The following AAMP variants were observed in gnomAD, a reference collection of about 807,000 sequenced individuals.
The protein encoded by AAMP is angio-associated migratory cell protein.
AAMP carries 12 observed loss-of-function variants against 51.1 expected under a neutral mutation model. The observed-to-expected ratio is 0.23, with a 90% CI of 0.15 to 0.38. The LOEUF (loss-of-function observed/expected upper bound fraction) is 0.38, where lower values mean the gene tolerates loss of function less well. AAMP is among the 10% of genes least tolerant of loss of function. The pLI, the probability that AAMP is intolerant of heterozygous loss-of-function variation, is 1.00. For synonymous variants in AAMP, 210 were observed against 218.7 expected (o/e 0.96, Z 0.35); for missense variants, 418 against 557.2 (o/e 0.75, Z 2.52).
In AAMP at chr2:218,266,831, G is replaced by A. The variant is rs369316202; in HGVS notation, c.534+16C>T. 12 of 1,613,522 alleles carry A rather than the reference G, an allele frequency of 7.4e-6. No homozygotes were observed. The highest frequency in any genetic ancestry group is 5.5e-5 in the South Asian group (5 of 91,048). Reference sequence around the variant, plus strand: ...CCAAGGCCCCACAGAGCTGACTCCCGCTCTGATGATCTTACCTCCAGGTCT... The same window carrying A: ...CCAAGGCCCCACAGAGCTGACTCCCACTCTGATGATCTTACCTCCAGGTCT... On this transcript the variant is annotated intron_variant, in intron 4 of 10. Transcript: ENST00000248450. The surrounding 1 kb of genome is among the most constrained non-coding windows in gnomAD (Gnocchi z 4.7).
At chr2:218,269,672 G>A in intron 1 of AAMP, 138 bp from the exon 2 acceptor site, 1 of 1,450,056 alleles carries the variant, frequency 6.9e-7, no homozygotes, top group South Asian at 1.2e-5. Flanking sequence ...GGTCCGCGGG[G>A]GCGCGCGGGA....
Position 218,265,633 on chromosome 2 carries a change from C to T in AAMP, c.929G>A (p.Gly310Glu). 1 of 1,613,902 alleles carries T rather than the reference C, an allele frequency of 6.2e-7. No individual in the cohort carries two copies. The highest frequency in any genetic ancestry group is 1.7e-5 in the Admixed American group (1 of 60,020). The change falls in exon 8 of 11, where the codon GGA becomes GAA. Residue 310 changes from glycine (G) to glutamate (E), a missense_variant. By Grantham distance (98) the Gly-to-Glu change is moderately conservative (BLOSUM62 -2). Transcript: ENST00000248450. The surrounding 1 kb of genome is among the most constrained non-coding windows in gnomAD (Gnocchi z 6.6). ...PETVASQPSL[G>E]EGEESESNSV... ...GTTGGACTCACTCTCCTCCCCTTCT[C>T]CCAGGCTGGGCTGGGAGGCCACAGT...
chr2:218,264,935 C>T, intron 10 of AAMP, 85 bp downstream of exon 10: 1 of 1,586,058 alleles, frequency 6.3e-7, no homozygotes, highest in Non-Finnish European at 8.6e-7. Context: ...AATCCCTTCC[C>T]ACACCCCAAG....
At chr2:218,269,927 C>A (rs752076222) in intron 1 of AAMP, 39 bp downstream of exon 1, 2 of 1,613,016 alleles carry the variant, frequency 1.2e-6, no homozygotes, top group African/African-American at 2.7e-5. Context: ...CAGGGGTGAG[C>A]GTCTCCTGTC....
chr2:218,270,133 G>C lies in AAMP; in HGVS notation c.-47C>G, dbSNP rs576800085. 2.8e-5 allele frequency: 45 copies of C among 1,604,288 alleles called. 1 individual carries two copies. In the South Asian group the frequency reaches 4.3e-4, roughly 15 times the overall value. Reference sequence around the variant, plus strand: ...CTTCTCTGGGCCCAAACGCCTCCCAGAGTCAGCTCTGCGCGACGACGCGGA... The same window carrying C: ...CTTCTCTGGGCCCAAACGCCTCCCACAGTCAGCTCTGCGCGACGACGCGGA... On this transcript the variant is annotated 5_prime_UTR_variant, in exon 1 of 11. Coordinates refer to ENST00000248450, the MANE Select transcript of AAMP (RefSeq NM_001087.5).
chr2:218,269,258 C>T (rs1690719777), intron 2 of AAMP, 124 bp downstream of exon 2: 1 of 1,293,250 alleles, frequency 7.7e-7, no homozygotes, highest in South Asian at 1.3e-5. Flanking sequence ...CCTGTGGGCT[C>T]CTCCAGCGCA....
chr2:218,264,401 T>G lies in AAMP; in HGVS notation c.*132A>C. ...AGAAAAGGAGAGGGGAGCAAGTCAGTTGAAGAGGCTGGAAAGTCATCCAGG... is the reference window on the plus strand; with the variant it reads ...AGAAAAGGAGAGGGGAGCAAGTCAGGTGAAGAGGCTGGAAAGTCATCCAGG... On this transcript the variant is annotated 3_prime_UTR_variant, in exon 11 of 11. Coordinates refer to ENST00000248450, the MANE Select transcript of AAMP (RefSeq NM_001087.5). 1.2e-6 allele frequency: 1 copy of G among 857,460 alleles called. No individual in the cohort carries two copies. Among genetic ancestry groups the G allele is most frequent in the South Asian group, 1.5e-5 (1 of 68,370 alleles). The allele number at this position is 857,460 out of a possible 1,614,324, so 53.1% of individuals were successfully genotyped here.
rs1209813559 is a variant in AAMP, at chr2:218,264,306, C to T, written c.*227G>A. On this transcript the variant is annotated 3_prime_UTR_variant, in exon 11 of 11. Coordinates refer to ENST00000248450, the MANE Select transcript of AAMP (RefSeq NM_001087.5). Reference sequence around the variant, plus strand: ...TGAAAGTGAAAGAGAAACAGGTCCACCCCTCCCTCTGAAGGGCCCACCAGG... The same window carrying T: ...TGAAAGTGAAAGAGAAACAGGTCCATCCCTCCCTCTGAAGGGCCCACCAGG... The T allele has an allele frequency of 1.8e-6, 1 of 562,902 alleles. No individual in the cohort carries two copies. Among genetic ancestry groups the T allele is most frequent in the African/African-American group, 1.9e-5 (1 of 53,322 alleles). 34.9% of individuals were successfully genotyped at this position (562,902 alleles called of 1,614,324 possible).
rs1240806340 is a variant in AAMP, at chr2:218,270,120, CA to C, written c.-35del. The C allele has an allele frequency of 6.2e-7, 1 of 1,610,506 alleles. No homozygotes were observed. The highest frequency in any genetic ancestry group is 8.5e-7 in the Non-Finnish European group (1 of 1,178,224). ...AGCGGCGGATCCACTTCTCTGGGCC[CA>C]AACGCCTCCCAGAGTCAGCTCTGCG... On this transcript the variant is annotated 5_prime_UTR_variant, in exon 1 of 11. Coordinates refer to ENST00000248450, the MANE Select transcript of AAMP (RefSeq NM_001087.5).
chr2:218,264,684 T>A, intron 10 of AAMP, 76 bp from the exon 11 acceptor site: 2 of 1,279,422 alleles, frequency 1.6e-6, no homozygotes, highest in Non-Finnish European at 2.3e-6. Flanking sequence ...GGTGGGCTCC[T>A]CCAGCACACC....
Position 218,265,508 on chromosome 2 carries a change from C to T in AAMP, c.984-47G>A. 1.3e-6 allele frequency: 2 copies of T among 1,576,778 alleles called. No homozygotes were observed. The highest frequency in any genetic ancestry group is 1.7e-6 in the Non-Finnish European group (2 of 1,149,580). Reference sequence around the variant, plus strand: ...GAAGACTCATGAGGGCCTGGACTCACACGCCCTGCCGTCCTCCCGGGCCCC... The same window carrying T: ...GAAGACTCATGAGGGCCTGGACTCATACGCCCTGCCGTCCTCCCGGGCCCC... On this transcript the variant is annotated intron_variant, in intron 8 of 10. Transcript: ENST00000248450. This position sits in a 1 kb window ranked among gnomAD's most constrained non-coding sequence, Gnocchi z 6.6.
chr2:218,265,465 G>C lies in AAMP; in HGVS notation c.984-4C>G, dbSNP rs1690602030. 6.4e-7 allele frequency: 1 copy of C among 1,572,938 alleles called. No individual in the cohort carries two copies. Among genetic ancestry groups the C allele is most frequent in the African/African-American group, 1.4e-5 (1 of 74,044 alleles). On this transcript the variant is annotated splice_polypyrimidine_tract_variant and splice_region_variant and intron_variant, in intron 8 of 10. Transcript: ENST00000248450. This position sits in a 1 kb window ranked among gnomAD's most constrained non-coding sequence, Gnocchi z 6.6. Reference sequence around the variant, plus strand: ...GCCAACAGCTGCCAGGGGCATCCTGGCCAGAGGAGCGTACCATGAAGACTC... The same window carrying C: ...GCCAACAGCTGCCAGGGGCATCCTGCCCAGAGGAGCGTACCATGAAGACTC...
chr2:218,269,738 G>A (rs1366248280), intron 1 of AAMP: 4 of 1,026,174 alleles, frequency 3.9e-6, no homozygotes, highest in East Asian at 2.6e-5. Flanking sequence ...AGGGCCAAGG[G>A]GATGATGGGA....
Position 218,265,322 on chromosome 2 carries a change from C to A in AAMP, c.1074+49G>T. ...ATGCTCCTGGAGGCCTGGGCTTCCC[C>A]ACCACTATGGACACAGCCCACAGGG... On this transcript the variant is annotated intron_variant, in intron 9 of 10. Transcript: ENST00000248450. The surrounding 1 kb of genome is among the most constrained non-coding windows in gnomAD (Gnocchi z 6.6). The A allele has an allele frequency of 6.5e-7, 1 of 1,534,906 alleles. No individual in the cohort carries two copies. Among genetic ancestry groups the A allele is most frequent in the South Asian group, 1.2e-5 (1 of 84,352 alleles).
Position 218,265,389 on chromosome 2 carries a change from C to T in AAMP, c.1056G>A (p.Arg352=). 1 of 1,560,318 alleles carries T rather than the reference C, an allele frequency of 6.4e-7. No individual in the cohort carries two copies. The highest frequency in any genetic ancestry group is 8.7e-7 in the Non-Finnish European group (1 of 1,151,134). ...CCCATACCTGGTGCTGACACTGATGCCTAAGAGTCTGCGTAGCCAGGTCAT... is the reference window on the plus strand; with the variant it reads ...CCCATACCTGGTGCTGACACTGATGTCTAAGAGTCTGCGTAGCCAGGTCAT... ...AIYDLATQTL[R]HQCQHQSGIV... Residue 352 remains arginine, a synonymous_variant, in exon 9 of 11, where the codon AGG becomes AGA. Transcript: ENST00000248450. This position sits in a 1 kb window ranked among gnomAD's most constrained non-coding sequence, Gnocchi z 6.6.
Position 218,266,018 on chromosome 2 carries a change from C to T in AAMP, c.763+46G>A. ...CTGAGTCCTGCCCCAGGTTCTCAGCCCCTCCCTACAAAGGCCCAGGCTAAC... is the reference window on the plus strand; with the variant it reads ...CTGAGTCCTGCCCCAGGTTCTCAGCTCCTCCCTACAAAGGCCCAGGCTAAC... On this transcript the variant is annotated intron_variant, in intron 6 of 10. Transcript: ENST00000248450. This position sits in a 1 kb window ranked among gnomAD's most constrained non-coding sequence, Gnocchi z 4.7. The T allele has an allele frequency of 1.2e-6, 2 of 1,610,084 alleles. No individual in the cohort carries two copies. The highest frequency in any genetic ancestry group is 1.1e-5 in the South Asian group (1 of 90,980).
In AAMP at chr2:218,265,511, G is replaced by A. The variant is rs1436113588; in HGVS notation, c.984-50C>T. ...GACTCATGAGGGCCTGGACTCACAC[G>A]CCCTGCCGTCCTCCCGGGCCCCCAG... is the stretch of plus-strand genomic sequence containing the variant. On this transcript the variant is annotated intron_variant, in intron 8 of 10. Transcript: ENST00000248450. This position sits in a 1 kb window ranked among gnomAD's most constrained non-coding sequence, Gnocchi z 6.6. 7 of 1,575,122 alleles carry A rather than the reference G, an allele frequency of 4.4e-6. No homozygotes were observed. In the East Asian group the frequency reaches 6.8e-5, roughly 15 times the overall value.
chr2:218,269,874 A>C, intron 1 of AAMP, 92 bp downstream of exon 1: 9 of 1,564,110 alleles, frequency 5.8e-6, no homozygotes, highest in Non-Finnish European at 7.9e-6. Context: ...AGGAATGACC[A>C]GTCGGGTGTG....
In AAMP at chr2:218,266,505, C is replaced by G. The variant is rs896226626; in HGVS notation, c.617G>C (p.Gly206Ala). The G allele has an allele frequency of 6.2e-7, 1 of 1,614,042 alleles. No homozygotes were observed. Among genetic ancestry groups the G allele is most frequent in the Non-Finnish European group, 8.5e-7 (1 of 1,180,012 alleles). The change falls in exon 5 of 11, where the codon GGT becomes GCT. Residue 206 changes from glycine to alanine, a missense_variant. Coordinates refer to ENST00000248450, the MANE Select transcript of AAMP (RefSeq NM_001087.5). The surrounding 1 kb of genome is among the most constrained non-coding windows in gnomAD (Gnocchi z 4.7). ...GNTWMWKVPN[G>A]DCKTFQGPNC... ...GGGACCCTGGAAGGTCTTGCAGTCACCATTCGGGACTTTCCACATCCAGGT... is the reference window on the plus strand; with the variant it reads ...GGGACCCTGGAAGGTCTTGCAGTCAGCATTCGGGACTTTCCACATCCAGGT...
Sources: gnomAD v4.1 joint callset for allele counts on GRCh38, gnomAD v4.1.1 for gene constraint, Gnocchi (gnomAD v3.1) non-coding constraint, MANE v1.5 for transcripts, NCBI Gene and HGNC (gene_info 2026-07-23, HGNC 2026-07-21) for gene names.